The following FILIP1L variants were observed in gnomAD, a reference collection of about 807,000 sequenced individuals.
FILIP1L encodes the protein filamin A interacting protein 1 like.
FILIP1L carries 55 observed loss-of-function variants against 96.6 expected under a neutral mutation model. The observed-to-expected ratio is 0.57, with a 90% CI of 0.46 to 0.71. The LOEUF (loss-of-function observed/expected upper bound fraction) is 0.71. Ranked by LOEUF, FILIP1L falls within the 30% of genes least tolerant of loss-of-function variation. The probability of loss-of-function intolerance (pLI) is 0.00; values close to 1 mark genes in which losing one functional copy is unlikely to be tolerated. For synonymous variants in FILIP1L, 467 were observed against 473.9 expected, an observed-to-expected ratio of 0.99 and a Z score of 0.19; for missense variants, 1,304 against 1,321.2, an observed-to-expected ratio of 0.99 and a Z score of 0.20.
At chr3:100,105,329 A>C (rs1351405551) in intron 1 of FILIP1L, among the ~76,000 whole-genome samples, 1 of 152,208 alleles carries the variant, frequency 6.6e-6, no homozygotes, top group Non-Finnish European at 1.5e-5. Context: ...AGACATGAGC[A>C]ATAGGAATTT....
At chr3:99,907,796 A>G (rs1430233336) in intron 4 of FILIP1L, among the ~76,000 whole-genome samples, 2 of 152,206 alleles carry the variant, frequency 1.3e-5, no homozygotes, top group East Asian at 1.9e-4. Context: ...CGCTAATGCT[A>G]TCTGGATCCA....
intron 4 of FILIP1L, among the ~76,000 whole-genome samples, chr3:99,861,723 A>T (rs539271516): frequency 2.0e-5 from 3 of 152,202 alleles, no homozygotes; most frequent in African/African-American, 7.2e-5. Context: ...GACTGACAGC[A>T]TGTACACTCT....
chr3:100,074,523 A>G (rs984881191), intron 1 of FILIP1L, among the ~76,000 whole-genome samples: 1 of 152,072 alleles, frequency 6.6e-6, no homozygotes, highest in African/African-American at 2.4e-5. Flanking sequence ...AATTTATTCT[A>G]TAGCCAGTAT....
rs142031483 is a variant in FILIP1L, at chr3:99,982,599, G to A, written c.-10-51569C>T. Among the ~76,000 whole-genome samples, 1,109 of 152,090 alleles carry A rather than the reference G, an allele frequency of 7.3e-3. 19 individuals are homozygous for A. Among genetic ancestry groups the A allele is most frequent in the African/African-American group, 0.025 (1,020 of 41,498 alleles). ...GCTCAAGCATTCTGCCTACCTCAGC[G>A]TCCCAAAGTGCTGGGATTACAGGCA... is the stretch of plus-strand genomic sequence containing the variant. On this transcript the variant is annotated intron_variant, in intron 1 of 5. Coordinates refer to ENST00000477258, the MANE Select transcript of FILIP1L (RefSeq NM_001387850.1).
intron 1 of FILIP1L, among the ~76,000 whole-genome samples, chr3:100,091,155 G>A (rs899760519): frequency 6.6e-6 from 1 of 151,248 alleles, no homozygotes; most frequent in African/African-American, 2.4e-5. Context: ...CATGGTGGCG[G>A]GCACCTGTAG....
rs149488260 is a variant in FILIP1L at position 99,863,501 on chromosome 3, T to G, written c.606-12431A>C. ...AAAATGTCAAGTAGACTATTAAGGA[T>G]ATTTTATAATTTTTTTGACTCTTCA... On this transcript the variant is annotated intron_variant, in intron 4 of 5. Coordinates refer to ENST00000477258, the MANE Select transcript of FILIP1L (RefSeq NM_001387850.1). 7.3e-3 allele frequency among the ~76,000 whole-genome samples: 1,105 copies of G among 152,300 alleles called. 18 individuals carry two copies. Among genetic ancestry groups the G allele is most frequent in the African/African-American group, 0.024 (1,016 of 41,552 alleles).
chr3:99,850,182 C>G lies in FILIP1L; in HGVS notation c.1494G>C (p.Val498=). ...TTGTTTTCCGTTCATCTACAAACAT[C>G]ACAGTTAATGTTTTCAGTTTAGTTA... The part of the protein sequence containing the change: ...EDLTKLKTLT[V]MFVDERKTMS... Residue 498 remains valine, a synonymous_variant, in exon 5 of 6, where the codon GTG becomes GTC. Transcript: ENST00000477258. 1 of 1,611,008 alleles carries G rather than the reference C, an allele frequency of 6.2e-7. No homozygotes were observed. Among genetic ancestry groups the G allele is most frequent in the Non-Finnish European group, 8.5e-7 (1 of 1,179,374 alleles).
intron 1 of FILIP1L, among the ~76,000 whole-genome samples, chr3:100,017,304 T>C (rs1292360059): frequency 6.6e-6 from 1 of 152,136 alleles, no homozygotes; most frequent in Non-Finnish European, 1.5e-5. Flanking sequence ...TTTTTGGGGC[T>C]CCAGTGTAGA....
chr3:99,833,658 G>A (rs1942778431), intron 5 of FILIP1L, among the ~76,000 whole-genome samples: 1 of 152,196 alleles, frequency 6.6e-6, no homozygotes, highest in African/African-American at 2.4e-5. Flanking sequence ...TATTGACAAC[G>A]TGTTGTGTAA....
chr3:100,062,283 T>G (rs1027007806), intron 1 of FILIP1L, among the ~76,000 whole-genome samples: 2 of 151,796 alleles, frequency 1.3e-5, no homozygotes, highest in Non-Finnish European at 2.9e-5. Context: ...AGCTATTTTT[T>G]TGTATTTTTA....
intron 1 of FILIP1L, among the ~76,000 whole-genome samples, chr3:100,007,421 T>G (rs964065184): frequency 2.0e-5 from 3 of 152,158 alleles, no homozygotes; most frequent in African/African-American, 7.2e-5. Flanking sequence ...TATCAAATTT[T>G]GGAAACCTTG....
intron 1 of FILIP1L, among the ~76,000 whole-genome samples, chr3:100,077,303 T>C (rs1233553926): frequency 2.0e-5 from 3 of 152,206 alleles, no homozygotes; most frequent in African/African-American, 4.8e-5. Context: ...TCTTAAGAAG[T>C]AGACTCAGGC....
intron 1 of FILIP1L, among the ~76,000 whole-genome samples, chr3:100,069,733 G>C (rs910127333): frequency 6.6e-6 from 1 of 152,170 alleles, no homozygotes; most frequent in Non-Finnish European, 1.5e-5. Flanking sequence ...TGTTTTGACA[G>C]ATCTCTTTTC....
intron 5 of FILIP1L, among the ~76,000 whole-genome samples, chr3:99,840,145 A>G (rs1943067143): frequency 1.3e-5 from 2 of 152,166 alleles, no homozygotes; most frequent in Non-Finnish European, 2.9e-5. Context: ...AAAACCATTA[A>G]TAGTCCTAAA....
At chr3:99,989,678 A>G (rs1190111532) in intron 1 of FILIP1L, among the ~76,000 whole-genome samples, 1 of 142,662 alleles carries the variant, frequency 7.0e-6, no homozygotes, top group East Asian at 2.0e-4. Context: ...ATATATATAT[A>G]TATATATTTT....
At chr3:99,852,602 C>T (rs1043223551) in intron 4 of FILIP1L, among the ~76,000 whole-genome samples, 1 of 152,032 alleles carries the variant, frequency 6.6e-6, no homozygotes, top group African/African-American at 2.4e-5. Context: ...CGCACCACCA[C>T]GCCCAGCTAA....
At chr3:99,944,352 C>A (rs1707942842) in intron 1 of FILIP1L, among the ~76,000 whole-genome samples, 1 of 152,210 alleles carries the variant, frequency 6.6e-6, no homozygotes, top group South Asian at 2.1e-4. Flanking sequence ...TTGGTCCAAG[C>A]TGGCTACAGC....
At chr3:100,066,994 A>G (rs2107360644) in intron 1 of FILIP1L, among the ~76,000 whole-genome samples, 1 of 152,284 alleles carries the variant, frequency 6.6e-6, no homozygotes, top group Admixed American at 6.5e-5. Flanking sequence ...TGTGTCCCAT[A>G]CACATATTGA....
chr3:100,101,089 G>A (rs2066297235), intron 1 of FILIP1L, among the ~76,000 whole-genome samples: 1 of 152,132 alleles, frequency 6.6e-6, no homozygotes, highest in African/African-American at 2.4e-5. Context: ...CTCTGGAGCT[G>A]GGTGGTACAT....
Sources: gnomAD v4.1 joint callset for allele counts (sites outside exome capture counted in the v4.1 genomes callset) on GRCh38, gnomAD v4.1.1 for gene constraint, MANE v1.5 for transcripts, NCBI Gene and HGNC (gene_info 2026-07-23, HGNC 2026-07-21) for gene names.